KCNJ3: variants seen among roughly 807,000 people sequenced by gnomAD.
KCNJ3 encodes the protein potassium inwardly rectifying channel subfamily J member 3, also known as G protein-activated inward rectifier potassium channel 1.
A neutral mutation model predicts 39.2 loss-of-function variants in KCNJ3; 4 were observed. That is an observed-to-expected ratio of 0.10 (90% CI 0.05 to 0.23). KCNJ3 has a LOEUF of 0.23. Ranked by LOEUF, KCNJ3 falls within the 10% of genes least tolerant of loss-of-function variation. The pLI, the probability that KCNJ3 is intolerant of heterozygous loss-of-function variation, is 1.00. For missense variants in KCNJ3, 276 were observed against 634.9 expected (o/e 0.43, Z 6.08); for synonymous variants, 230 against 237.4 (o/e 0.97, Z 0.29).
intron 2 of KCNJ3, among the ~76,000 whole-genome samples, chr2:154,728,538 C>A (rs982698286): frequency 6.6e-6 from 1 of 152,052 alleles, no homozygotes; most frequent in African/African-American, 2.4e-5. Flanking sequence ...GTGGTTGATT[C>A]CTGGAAACAC....
intron 2 of KCNJ3, among the ~76,000 whole-genome samples, chr2:154,762,248 A>G (rs181710467): frequency 8.3e-4 from 127 of 152,334 alleles, no homozygotes; most frequent in Admixed American, 3.4e-3. Flanking sequence ...TTGTAATGAA[A>G]TTGTTTTACA....
At chr2:154,794,978 G>A (rs952062022) in intron 2 of KCNJ3, among the ~76,000 whole-genome samples, 1 of 151,828 alleles carries the variant, frequency 6.6e-6, no homozygotes, top group African/African-American at 2.4e-5. Context: ...ATAAAAATGA[G>A]AATAAGACAA....
intron 2 of KCNJ3, among the ~76,000 whole-genome samples, chr2:154,851,844 A>G (rs556120464): frequency 1.6e-4 from 24 of 152,252 alleles, no homozygotes; most frequent in African/African-American, 5.8e-4. Context: ...AGTTTTCCCA[A>G]TATTAAAATT....
At chr2:154,841,235 G>GTGAT (rs1021579338) in intron 2 of KCNJ3, among the ~76,000 whole-genome samples, 1 of 152,044 alleles carries the variant, frequency 6.6e-6, no homozygotes, top group African/African-American at 2.4e-5. Context: ...ATGGATTACA[G>GTGAT]TGATTGATTT....
chr2:154,853,009 T>A (rs1003178342), intron 2 of KCNJ3, among the ~76,000 whole-genome samples: 23 of 152,002 alleles, frequency 1.5e-4, no homozygotes, highest in African/African-American at 5.1e-4. Flanking sequence ...AGGATGATAC[T>A]TTTTTTCTCT....
chr2:154,782,435 A>G (rs1209969657), intron 2 of KCNJ3, among the ~76,000 whole-genome samples: 1 of 152,204 alleles, frequency 6.6e-6, no homozygotes, highest in African/African-American at 2.4e-5. Context: ...GCAACACATG[A>G]TATTGAAAAT....
chr2:154,825,510 A>G (rs1687255112), intron 2 of KCNJ3, among the ~76,000 whole-genome samples: 1 of 151,950 alleles, frequency 6.6e-6, no homozygotes, highest in Admixed American at 6.6e-5. Flanking sequence ...AGTCACAGTA[A>G]TGAAGGTTCA....
At chr2:154,843,084 C>T (rs899834714) in intron 2 of KCNJ3, among the ~76,000 whole-genome samples, 2 of 152,172 alleles carry the variant, frequency 1.3e-5, no homozygotes, top group African/African-American at 2.4e-5. Flanking sequence ...CTGGTTGTTT[C>T]TTTCCATGTT....
intron 2 of KCNJ3, among the ~76,000 whole-genome samples, chr2:154,801,033 A>T (rs1339567172): frequency 2.0e-5 from 3 of 152,128 alleles, no homozygotes; most frequent in Admixed American, 2.0e-4. Flanking sequence ...AGACAGTCTC[A>T]CTTTTTTAAA....
At chr2:154,706,883 A>G (rs1685020063) in intron 1 of KCNJ3, among the ~76,000 whole-genome samples, 1 of 152,004 alleles carries the variant, frequency 6.6e-6, no homozygotes, top group Admixed American at 6.6e-5. Context: ...TTAAAACCAC[A>G]CCCTTCACTT....
intron 2 of KCNJ3, among the ~76,000 whole-genome samples, chr2:154,818,920 T>C (rs1443331973): frequency 3.0e-4 from 7 of 23,198 alleles, no homozygotes; most frequent in African/African-American, 4.1e-4. Flanking sequence ...GCAAAAGCCT[T>C]TTTTTTTTTT....
chr2:154,711,449 C>G (rs1167642392), intron 2 of KCNJ3, among the ~76,000 whole-genome samples: 1 of 152,052 alleles, frequency 6.6e-6, no homozygotes, highest in Non-Finnish European at 1.5e-5. Context: ...CACTTGACAG[C>G]CTTAAAAATG....
At chr2:154,765,531 A>G (rs2961955) in intron 2 of KCNJ3, among the ~76,000 whole-genome samples, 7,546 of 152,260 alleles carry the variant, frequency 0.05, 353 homozygotes, top group African/African-American at 0.12. Context: ...CTCAGTATGC[A>G]TTTGTGAACT....
At chr2:154,772,289 C>T (rs1414972602) in intron 2 of KCNJ3, among the ~76,000 whole-genome samples, 1 of 152,032 alleles carries the variant, frequency 6.6e-6, no homozygotes, top group Non-Finnish European at 1.5e-5. Flanking sequence ...CTGAGTGGAT[C>T]GGTCTAATTT....
intron 2 of KCNJ3, among the ~76,000 whole-genome samples, chr2:154,775,509 C>T (rs934879759): frequency 3.3e-5 from 5 of 152,044 alleles, no homozygotes; most frequent in Admixed American, 6.6e-5. Context: ...ATGTACATTT[C>T]TTAATTTATT....
chr2:154,736,765 C>G (rs931394305), intron 2 of KCNJ3, among the ~76,000 whole-genome samples: 1 of 152,100 alleles, frequency 6.6e-6, no homozygotes, highest in Non-Finnish European at 1.5e-5. Flanking sequence ...TATTGAACAC[C>G]AGTTTTCAGG....
rs1172264179 is a variant in KCNJ3, at chr2:154,698,773, A to G, written c.-3A>G. On this transcript the variant is annotated 5_prime_UTR_variant, in exon 1 of 3. Transcript: ENST00000295101. Reference sequence around the variant, plus strand: ...GTTTGAATCTGGCTCGCCCCTTCGTATTATGTCTGCACTCCGAAGGAAATT... The same window carrying G: ...GTTTGAATCTGGCTCGCCCCTTCGTGTTATGTCTGCACTCCGAAGGAAATT... 2.5e-6 allele frequency: 4 copies of G among 1,592,730 alleles called. No homozygotes were observed.
At chr2:154,821,635 ATTTTTTTTTTTTT>A (rs71422263) in intron 2 of KCNJ3, among the ~76,000 whole-genome samples, 1 of 88,072 alleles carries the variant, frequency 1.1e-5, no homozygotes, top group South Asian at 4.5e-4. Context: ...AGAATATGTG[ATTTTTTTTTTTTT>A]TTTTTTTTTT....
intron 2 of KCNJ3, among the ~76,000 whole-genome samples, chr2:154,846,939 A>C (rs983689059): frequency 3.9e-5 from 6 of 152,016 alleles, no homozygotes; most frequent in African/African-American, 1.2e-4. Context: ...ACCTAGCTTG[A>C]GCAGTAGTGG....
Sources: gnomAD v4.1 joint callset for allele counts (sites outside exome capture counted in the v4.1 genomes callset) on GRCh38, gnomAD v4.1.1 for gene constraint, MANE v1.5 for transcripts, NCBI Gene and HGNC (gene_info 2026-07-23, HGNC 2026-07-21) for gene names.